Variants in WDFY2 observed in about 807,000 individuals in gnomAD.
WDFY2 encodes the protein WD repeat and FYVE domain-containing protein 2.
A neutral mutation model predicts 56.4 loss-of-function variants in WDFY2; 36 were observed. The ratio of observed to expected loss-of-function variants is 0.64; its 90% confidence interval spans 0.49 to 0.84. The LOEUF is 0.84. Among genes scored for constraint, WDFY2 ranks in the 40% least tolerant of loss-of-function variants. The probability of loss-of-function intolerance (pLI) is 0.00; values close to 1 mark genes in which losing one functional copy is unlikely to be tolerated. For missense variants in WDFY2, 444 were observed against 512.2 expected, an observed-to-expected ratio of 0.87 and a Z score of 1.29; for synonymous variants, 176 against 183.7, an observed-to-expected ratio of 0.96 and a Z score of 0.34.
chr13:51,631,631 T>G (rs1954954622), intron 1 of WDFY2, among the ~76,000 whole-genome samples: 1 of 152,214 alleles, frequency 6.6e-6, no homozygotes, highest in Admixed American at 6.5e-5. Context: ...TTTTTTACAT[T>G]ATGCTCCTTC....
At chr13:51,646,079 C>T (rs970143290) in intron 1 of WDFY2, among the ~76,000 whole-genome samples, 2 of 152,200 alleles carry the variant, frequency 1.3e-5, no homozygotes, top group Admixed American at 1.3e-4. Flanking sequence ...TCTTCTAGGC[C>T]TTCATCCTTT....
chr13:51,731,563 C>G (rs572236025), intron 6 of WDFY2, among the ~76,000 whole-genome samples: 1 of 152,162 alleles, frequency 6.6e-6, no homozygotes, highest in Non-Finnish European at 1.5e-5. Context: ...GTAGTATCTG[C>G]CCATCACTAA....
At chr13:51,654,698 T>C (rs1245675090) in intron 1 of WDFY2, among the ~76,000 whole-genome samples, 1 of 152,254 alleles carries the variant, frequency 6.6e-6, no homozygotes, top group Non-Finnish European at 1.5e-5. Context: ...AACTTACTTC[T>C]AAGGCTTTGT....
chr13:51,748,558 G>C (rs187525291), intron 7 of WDFY2, among the ~76,000 whole-genome samples: 1 of 152,084 alleles, frequency 6.6e-6, no homozygotes, highest in African/African-American at 2.4e-5. Flanking sequence ...AATAAACATA[G>C]ATGATAACAC....
intron 7 of WDFY2, among the ~76,000 whole-genome samples, chr13:51,750,814 G>T (rs1281746908): frequency 1.3e-5 from 2 of 152,172 alleles, no homozygotes; most frequent in Admixed American, 6.5e-5. Flanking sequence ...GTAAAGGCAT[G>T]CCTGGTCCCA....
intron 9 of WDFY2, 149 bp downstream of exon 9, chr13:51,755,608 C>G (rs1953354760): frequency 1.3e-6 from 1 of 746,886 alleles, no homozygotes; most frequent in Non-Finnish European, 2.2e-6. Flanking sequence ...GTAATTTACT[C>G]TGTCTACCAT....
chr13:51,709,454 G>A (rs1952160539), intron 4 of WDFY2, among the ~76,000 whole-genome samples: 1 of 152,050 alleles, frequency 6.6e-6, no homozygotes. Flanking sequence ...GAAGCCTGGG[G>A]AACATAGCAA....
rs554079275 is a variant in WDFY2, at chr13:51,714,341, G to A, written c.335-4857G>A. 7.2e-5 allele frequency among the ~76,000 whole-genome samples: 11 copies of A among 152,088 alleles called. No individual in the cohort carries two copies. The South Asian group carries it at 2.3e-3, about 32-fold the overall frequency. On this transcript the variant is annotated intron_variant, in intron 4 of 11. Coordinates refer to ENST00000298125, the MANE Select transcript of WDFY2 (RefSeq NM_052950.4). The stretch of plus-strand genomic sequence containing the variant: ...AGTTTCGTTCTTGTCGCCCAGGCTG[G>A]AGTGCAGTGGTGTGATCTTGGCTCA...
intron 1 of WDFY2, among the ~76,000 whole-genome samples, chr13:51,611,347 T>C (rs1187672093): frequency 5.9e-5 from 9 of 152,240 alleles, no homozygotes; most frequent in Non-Finnish European, 1.3e-4. Context: ...TTTACTGTGT[T>C]AGAAATGGTG....
intron 6 of WDFY2, among the ~76,000 whole-genome samples, chr13:51,731,715 C>T (rs953785461): frequency 6.6e-6 from 1 of 152,244 alleles, no homozygotes; most frequent in Non-Finnish European, 1.5e-5. Flanking sequence ...CAGCAAGTCT[C>T]AGTTCTGGGA....
chr13:51,753,593 G>A (rs911653073), intron 8 of WDFY2, among the ~76,000 whole-genome samples: 15 of 152,058 alleles, frequency 9.9e-5, no homozygotes, highest in African/African-American at 2.9e-4. Context: ...CACATAACAC[G>A]TGTGTAAGAC....
intron 3 of WDFY2, among the ~76,000 whole-genome samples, chr13:51,694,438 T>G (rs1951817659): frequency 6.6e-6 from 1 of 152,178 alleles, no homozygotes; most frequent in Non-Finnish European, 1.5e-5. Context: ...CTCCTTCACT[T>G]ATGAAGTTTA....
chr13:51,713,599 G>A (rs912038945), intron 4 of WDFY2, among the ~76,000 whole-genome samples: 7 of 152,320 alleles, frequency 4.6e-5, no homozygotes, highest in East Asian at 3.9e-4. Flanking sequence ...AAGGCCAGGC[G>A]TAGTGGCTCA....
At chr13:51,756,592 C>G in intron 10 of WDFY2, 130 bp downstream of exon 10, 1 of 1,389,510 alleles carries the variant, frequency 7.2e-7, no homozygotes, top group East Asian at 2.6e-5. Context: ...CCACGGCAAG[C>G]AGTAAAAGCT....
At chr13:51,705,696 T>C (rs143453493) in intron 4 of WDFY2, among the ~76,000 whole-genome samples, 114 of 152,290 alleles carry the variant, frequency 7.5e-4, no homozygotes, top group Non-Finnish European at 1.4e-3. Context: ...GGGGTATCTG[T>C]CGCCTCAAGT....
At chr13:51,618,871 A>G (rs1459161237) in intron 1 of WDFY2, among the ~76,000 whole-genome samples, 1 of 152,196 alleles carries the variant, frequency 6.6e-6, no homozygotes, top group Admixed American at 6.5e-5. Context: ...TGAATAGTGG[A>G]GGAGGGTGTG....
chr13:51,724,148 T>G (rs866197324), intron 5 of WDFY2, among the ~76,000 whole-genome samples: 29 of 152,028 alleles, frequency 1.9e-4, no homozygotes, highest in Admixed American at 1.6e-3. Flanking sequence ...ATCAATAAAC[T>G]GCCATCTTTT....
At chr13:51,725,233 AT>A (rs1952578965) in intron 5 of WDFY2, among the ~76,000 whole-genome samples, 1 of 152,210 alleles carries the variant, frequency 6.6e-6, no homozygotes, top group South Asian at 2.1e-4. Context: ...TTCCAAAATA[AT>A]GAGCAATACT....
intron 1 of WDFY2, chr13:51,589,871 G>GT (rs1184118443): frequency 1.3e-5 from 2 of 152,198 alleles, no homozygotes; most frequent in African/African-American, 4.8e-5. Flanking sequence ...AACTTGTCCT[G>GT]TATGATTGTG....
Sources: allele counts gnomAD v4.1 joint callset (sites outside exome capture counted in the v4.1 genomes callset), GRCh38; gene constraint gnomAD v4.1.1; transcripts MANE v1.5; gene names NCBI Gene and HGNC (gene_info 2026-07-23, HGNC 2026-07-21).